The following NDUFA5 variants were observed in gnomAD, a reference collection of about 807,000 sequenced individuals.
The protein encoded by NDUFA5 is NADH:ubiquinone oxidoreductase subunit A5.
In NDUFA5, 11 loss-of-function variants were observed where a neutral mutation model predicts 19.8. That is an observed-to-expected ratio of 0.56 (90% confidence interval 0.35 to 0.92). The LOEUF (loss-of-function observed/expected upper bound fraction) is 0.92. Ranked by LOEUF, NDUFA5 falls within the 40% of genes least tolerant of loss-of-function variation. The pLI is 0.01. For synonymous variants in NDUFA5, 47 were observed against 46.8 expected (o/e 1.00, Z -0.01); for missense variants, 109 against 134.2 (o/e 0.81, Z 0.93).
chr7:123,561,008 G>A (rs1164750682), upstream of NDUFA5, among the ~76,000 whole-genome samples: 1 of 152,160 alleles, frequency 6.6e-6, no homozygotes, highest in African/African-American at 2.4e-5. Context: ...CTTGTACACT[G>A]AAAAGTATTA....
chr7:123,594,150 T>C, the NDUFA5 span, among the ~76,000 whole-genome samples: 1 of 152,128 alleles, frequency 6.6e-6, no homozygotes, highest in Non-Finnish European at 1.5e-5. Context: ...AGCTCTTCTC[T>C]ACACTGCTTA....
At chr7:123,561,699 G>A (rs1446007720), upstream of NDUFA5, among the ~76,000 whole-genome samples, 1 of 152,126 alleles carries the variant, frequency 6.6e-6, no homozygotes, top group Non-Finnish European at 1.5e-5. Flanking sequence ...CCCAGTTCAA[G>A]CAATTCTCCT....
chr7:123,599,916 A>G, the NDUFA5 span, among the ~76,000 whole-genome samples: 6 of 152,196 alleles, frequency 3.9e-5, no homozygotes, highest in Non-Finnish European at 8.8e-5. Flanking sequence ...GCACTGTTTG[A>G]AAAGCTAGGA....
chr7:123,544,535 A>G (rs1179934607), intron 4 of NDUFA5, among the ~76,000 whole-genome samples: 7 of 151,314 alleles, frequency 4.6e-5, no homozygotes, highest in Non-Finnish European at 8.8e-5. Context: ...AAACCTCTAC[A>G]TATGGGGGAA....
At chr7:123,581,866 G>T in the NDUFA5 span, among the ~76,000 whole-genome samples, 110,375 of 151,898 alleles carry the variant, frequency 0.73, 40,255 homozygotes, top group African/African-American at 0.8. Context: ...CAAGAGTACT[G>T]TTCAAAAGAC....
In NDUFA5 at chr7:123,540,883, T is replaced by TGC. The variant is rs201784621; in HGVS notation, c.*1234_*1235dup. ...TTCTCATTCTGAGCAAATGTGCGCA[T>TGC]GCGCGTGCACACACACACACACACA... On this transcript the variant is annotated 3_prime_UTR_variant, in exon 5 of 5. Coordinates refer to ENST00000355749, the MANE Select transcript of NDUFA5 (RefSeq NM_005000.5). The TGC allele has an allele frequency of 2.1e-4, 19 of 88,914 alleles. No homozygotes were observed. Among genetic ancestry groups the TGC allele is most frequent in the African/African-American group, 9.5e-4 (19 of 20,078 alleles). 5.5% of individuals were successfully genotyped at this position (88,914 alleles called of 1,614,324 possible). A position where few individuals can be genotyped will look rare whatever the true frequency, so the allele number is the denominator to read the frequency against.
upstream of NDUFA5, among the ~76,000 whole-genome samples, chr7:123,559,386 A>G (rs1798656969): frequency 6.6e-6 from 1 of 152,066 alleles, no homozygotes; most frequent in Non-Finnish European, 1.5e-5. Context: ...CCACTGAACA[A>G]TTAAAGAATA....
upstream of NDUFA5, among the ~76,000 whole-genome samples, chr7:123,562,096 G>A (rs897309569): frequency 3.3e-5 from 5 of 152,098 alleles, no homozygotes; most frequent in Admixed American, 1.3e-4. Flanking sequence ...GCAGCATGTT[G>A]TGCGTGAAAA....
At chr7:123,594,930 C>G in the NDUFA5 span, among the ~76,000 whole-genome samples, 7 of 152,160 alleles carry the variant, frequency 4.6e-5, no homozygotes, top group African/African-American at 9.7e-5. Context: ...GCTGAGCAGC[C>G]GTGTGCTCCA....
the NDUFA5 span, among the ~76,000 whole-genome samples, chr7:123,564,892 G>GAC: frequency 0.24 from 35,288 of 147,302 alleles, 4,211 homozygotes; most frequent in East Asian, 0.3. Flanking sequence ...GAAGCATCTG[G>GAC]ACACACACAC....
In NDUFA5 at chr7:123,539,491, T is replaced by C. The variant is rs1300528262; in HGVS notation, c.*2628A>G. The C allele has an allele frequency of 3.3e-5, 5 of 152,200 alleles. No homozygotes were observed. Among genetic ancestry groups the C allele is most frequent in the Non-Finnish European group, 5.9e-5 (4 of 68,034 alleles). 9.4% of individuals were successfully genotyped at this position (152,200 alleles called of 1,614,324 possible). ...TTCTTTTGAAGTATCTGCAGTATGA[T>C]GATTAACTAGAATGAAACCCATGGG... On this transcript the variant is annotated 3_prime_UTR_variant, in exon 5 of 5. Transcript: ENST00000355749.
chr7:123,576,871 A>C, the NDUFA5 span, among the ~76,000 whole-genome samples: 1 of 152,130 alleles, frequency 6.6e-6, no homozygotes, highest in East Asian at 1.9e-4. Flanking sequence ...ACATTATTCC[A>C]GTTTTGTGAA....
chr7:123,595,052 C>T, the NDUFA5 span, among the ~76,000 whole-genome samples: 14 of 152,194 alleles, frequency 9.2e-5, no homozygotes, highest in African/African-American at 3.4e-4. Flanking sequence ...CATCCCAGGT[C>T]GATCTCAGAC....
At chr7:123,600,377 A>G in the NDUFA5 span, among the ~76,000 whole-genome samples, 1 of 152,210 alleles carries the variant, frequency 6.6e-6, no homozygotes. Context: ...CAGGCATACC[A>G]TCATTAGTTT....
chr7:123,579,583 C>T, the NDUFA5 span, among the ~76,000 whole-genome samples: 2 of 152,064 alleles, frequency 1.3e-5, no homozygotes, highest in Non-Finnish European at 2.9e-5. Flanking sequence ...TAGATAATTG[C>T]AGTCAAAATG....
Position 123,545,639 on chromosome 7 carries a change from C to T in NDUFA5, c.221G>A (p.Gly74Asp), listed in dbSNP as rs1213890240. 4 of 1,610,676 alleles carry T rather than the reference C, an allele frequency of 2.5e-6. No individual in the cohort carries two copies. The highest frequency in any genetic ancestry group is 2.2e-5 in the East Asian group (1 of 44,628). ...AAGAATCACCTCTTCTAATTGACCGCCTTGAAGTTGGTCTTCTAATTTTTT... is the reference window on the plus strand; with the variant it reads ...AAGAATCACCTCTTCTAATTGACCGTCTTGAAGTTGGTCTTCTAATTTTTT... ...DVKKLEDQLQ[G>D]GQLEEVILQA... Residue 74 changes from glycine (G) to aspartate (D), a missense_variant, in exon 4 of 5, where the codon GGC (glycine) becomes GAC (aspartate). Physicochemically the swap from Gly to Asp is moderately conservative, Grantham distance 94. Coordinates refer to ENST00000355749, the MANE Select transcript of NDUFA5 (RefSeq NM_005000.5).
chr7:123,584,335 A>AG, the NDUFA5 span, among the ~76,000 whole-genome samples: 1 of 150,618 alleles, frequency 6.6e-6, no homozygotes, highest in Admixed American at 6.6e-5. Context: ...AAAAAGTAAG[A>AG]GAAAAAGAAA....
At chr7:123,561,564 A>T (rs1177818721), upstream of NDUFA5, among the ~76,000 whole-genome samples, 1 of 151,648 alleles carries the variant, frequency 6.6e-6, no homozygotes. Context: ...CTTTTGCTAA[A>T]CTCCTGTTAA....
chr7:123,583,392 G>C, the NDUFA5 span, among the ~76,000 whole-genome samples: 1 of 151,834 alleles, frequency 6.6e-6, no homozygotes, highest in Non-Finnish European at 1.5e-5. Context: ...ATGAAGTGTA[G>C]CAAATTTCTA....
Sources: allele counts gnomAD v4.1 joint callset (sites outside exome capture counted in the v4.1 genomes callset), GRCh38; gene constraint gnomAD v4.1.1; transcripts MANE v1.5; gene names NCBI Gene and HGNC (gene_info 2026-07-23, HGNC 2026-07-21).